CHRM3: variants seen among roughly 807,000 people sequenced by gnomAD.
CHRM3 encodes the protein muscarinic acetylcholine receptor M3.
CHRM3 carries 11 observed loss-of-function variants against 41.8 expected under a neutral mutation model. The observed-to-expected ratio is 0.26, with a 90% CI of 0.17 to 0.44. CHRM3 has a LOEUF of 0.44. Ranked by LOEUF, CHRM3 falls within the 20% of genes least tolerant of loss-of-function variation. The pLI, the probability that CHRM3 is intolerant of heterozygous loss-of-function variation, is 1.00. For missense variants in CHRM3, 571 were observed against 745.4 expected (o/e 0.77, Z 2.72); for synonymous variants, 297 against 301.4 (o/e 0.99, Z 0.15).
At chr1:239,466,361 C>A (rs1282879016) in intron 1 of CHRM3, among the ~76,000 whole-genome samples, 1 of 151,984 alleles carries the variant, frequency 6.6e-6, no homozygotes, top group African/African-American at 2.4e-5. Flanking sequence ...ACATTTTTTT[C>A]TCTATCTTAA....
intron 5 of CHRM3, among the ~76,000 whole-genome samples, chr1:239,810,292 G>A (rs1035464411): frequency 5.9e-5 from 9 of 152,138 alleles, no homozygotes; most frequent in Non-Finnish European, 1.2e-4. Context: ...GGGGACTTGA[G>A]GGCATGCTTT....
At chr1:239,415,395 G>C (rs907969303) in intron 1 of CHRM3, among the ~76,000 whole-genome samples, 6 of 152,156 alleles carry the variant, frequency 3.9e-5, no homozygotes, top group African/African-American at 1.4e-4. Context: ...AGCTGAGACT[G>C]TGCCACTGTG....
chr1:239,587,183 C>T (rs1328345591), intron 3 of CHRM3, among the ~76,000 whole-genome samples: 2 of 152,178 alleles, frequency 1.3e-5, no homozygotes, highest in African/African-American at 4.8e-5. Flanking sequence ...CTGGCCTCAC[C>T]TCCACGTGCT....
intron 4 of CHRM3, among the ~76,000 whole-genome samples, chr1:239,669,029 A>G (rs2149048527): frequency 6.6e-6 from 1 of 152,226 alleles, no homozygotes; most frequent in South Asian, 2.1e-4. Context: ...GAGCGACTTC[A>G]TCCTGAGCTT....
In CHRM3 at chr1:239,435,339, C is replaced by T. The variant is rs7552495; in HGVS notation, c.-521+48112C>T. Among the ~76,000 whole-genome samples the T allele has an allele frequency of 6.4e-3, 972 of 151,830 alleles. 7 individuals are homozygous for T. Among genetic ancestry groups the T allele is most frequent in the Middle Eastern group, 0.024 (7 of 292 alleles). ...GTGGCGGGTGCCTGTAGTCCAGCTA[C>T]TCGGGAGGCTGAGGCAGGAGAATGG... On this transcript the variant is annotated intron_variant, in intron 1 of 6. Coordinates refer to ENST00000676153, the MANE Select transcript of CHRM3 (RefSeq NM_001375978.1).
chr1:239,612,827 C>T (rs939125018), intron 3 of CHRM3, among the ~76,000 whole-genome samples: 6 of 152,138 alleles, frequency 3.9e-5, no homozygotes, highest in Non-Finnish European at 8.8e-5. Flanking sequence ...AGCTCTGGAG[C>T]TGGACAGCCC....
chr1:239,828,392 GTA>G (rs1345729508), intron 6 of CHRM3, among the ~76,000 whole-genome samples: 3 of 151,998 alleles, frequency 2.0e-5, no homozygotes, highest in Non-Finnish European at 4.4e-5. Context: ...ACACACAGGT[GTA>G]TATATACACA....
At chr1:239,680,506 T>A (rs1454975370) in intron 5 of CHRM3, among the ~76,000 whole-genome samples, 2 of 152,100 alleles carry the variant, frequency 1.3e-5, no homozygotes, top group Non-Finnish European at 2.9e-5. Flanking sequence ...TCCAACAGAT[T>A]GCCACCCAAT....
intron 5 of CHRM3, among the ~76,000 whole-genome samples, chr1:239,697,648 G>C (rs146502816): frequency 1.2e-4 from 19 of 152,274 alleles, no homozygotes; most frequent in Admixed American, 3.9e-4. Flanking sequence ...ACACATAAGA[G>C]AGAGGGAGGC....
chr1:239,424,930 G>A (rs148149000), intron 1 of CHRM3, among the ~76,000 whole-genome samples: 4 of 152,292 alleles, frequency 2.6e-5, no homozygotes, highest in African/African-American at 9.6e-5. Flanking sequence ...ATCATCAAAT[G>A]TTCCCATTGG....
At chr1:239,506,456 G>A (rs1668577075) in intron 2 of CHRM3, among the ~76,000 whole-genome samples, 1 of 152,180 alleles carries the variant, frequency 6.6e-6, no homozygotes. Flanking sequence ...TCCACGTGGT[G>A]TTGAGCCTGT....
Position 239,387,959 on chromosome 1 carries a change from T to A in CHRM3, c.-521+732T>A, listed in dbSNP as rs1161301611. Among the ~76,000 whole-genome samples, 1 of 152,104 alleles carries A rather than the reference T, an allele frequency of 6.6e-6. No individual in the cohort carries two copies. ...ATAGCCTCCTAATAGCGAGGTTAAT[T>A]TTTGCGTGTTTTTAAACGGCGGGGG... On this transcript the variant is annotated intron_variant, in intron 1 of 6. Transcript: ENST00000676153. The surrounding 1 kb of genome is among the most constrained non-coding windows in gnomAD (Gnocchi z 5.1).
At position 239,913,792 on chromosome 1, in the gene CHRM3, A is replaced by C. The variant is rs1240614605; in HGVS notation, c.*4568A>C. On this transcript the variant is annotated 3_prime_UTR_variant, in exon 7 of 7. Coordinates refer to ENST00000676153, the MANE Select transcript of CHRM3 (RefSeq NM_001375978.1). ...TTGTTGTACGGCTCAGAAATGAGCAAGTGTTAGTATTATTAGGCACACATC... is the reference window on the plus strand; with the variant it reads ...TTGTTGTACGGCTCAGAAATGAGCACGTGTTAGTATTATTAGGCACACATC... 12 of 167,142 alleles carry C rather than the reference A, an allele frequency of 7.2e-5. No homozygotes were observed. The Admixed American group carries it at 7.9e-4, about 11-fold the overall frequency. The allele number at this position is 167,142 out of a possible 1,614,324, so 10.4% of individuals were successfully genotyped here.
intron 2 of CHRM3, among the ~76,000 whole-genome samples, chr1:239,533,980 A>G (rs1246800892): frequency 2.6e-5 from 4 of 152,042 alleles, no homozygotes; most frequent in African/African-American, 4.8e-5. Flanking sequence ...AGCTCTTGCT[A>G]GTTATGGGGA....
At chr1:239,580,995 C>G (rs1433748017) in intron 3 of CHRM3, among the ~76,000 whole-genome samples, 1 of 151,666 alleles carries the variant, frequency 6.6e-6, no homozygotes, top group South Asian at 2.1e-4. Flanking sequence ...AGGGAGATGG[C>G]TCTTGACATA....
chr1:239,661,805 T>C (rs986716299), intron 4 of CHRM3, among the ~76,000 whole-genome samples: 8 of 152,192 alleles, frequency 5.3e-5, no homozygotes, highest in African/African-American at 1.9e-4. Context: ...ATTTAAACTA[T>C]AGATTTTAGC....
At chr1:239,881,186 G>A (rs527630553) in intron 6 of CHRM3, among the ~76,000 whole-genome samples, 2 of 147,006 alleles carry the variant, frequency 1.4e-5, no homozygotes, top group Non-Finnish European at 3.0e-5. Context: ...GGGAGGCTGA[G>A]GCAGGAGAAT....
At chr1:239,546,460 C>T (rs1360335401) in intron 3 of CHRM3, 2 of 152,208 alleles carry the variant, frequency 1.3e-5, no homozygotes, top group African/African-American at 4.8e-5. Flanking sequence ...ACTAACAGCA[C>T]AAGTAGAGAG....
intron 6 of CHRM3, among the ~76,000 whole-genome samples, chr1:239,882,202 C>T (rs191838214): frequency 1.6e-3 from 246 of 152,330 alleles, no homozygotes; most frequent in African/African-American, 5.3e-3. Context: ...GCCACCGCCC[C>T]AGCCCAATGT....
Sources: allele counts gnomAD v4.1 joint callset (sites outside exome capture counted in the v4.1 genomes callset), GRCh38; gene constraint gnomAD v4.1.1; non-coding constraint Gnocchi (gnomAD v3.1); transcripts MANE v1.5; gene names NCBI Gene and HGNC (gene_info 2026-07-23, HGNC 2026-07-21).